The following NUDCD1 variants were observed in gnomAD, a reference collection of about 807,000 sequenced individuals.
NUDCD1 encodes NudC domain containing 1, also known as nudC domain-containing protein 1.
In NUDCD1, 60 loss-of-function variants were observed where a neutral mutation model predicts 67.8. The ratio of observed to expected loss-of-function variants is 0.88; its 90% CI spans 0.72 to 1.10. The LOEUF is 1.10. Among genes scored for constraint, NUDCD1 ranks in the 50% least tolerant of loss-of-function variants. The pLI is 0.00. For missense variants in NUDCD1, 643 were observed against 695.0 expected, an observed-to-expected ratio of 0.93 and a Z score of 0.84; for synonymous variants, 244 against 230.8, an observed-to-expected ratio of 1.06 and a Z score of -0.52.
intron 2 of NUDCD1, among the ~76,000 whole-genome samples, chr8:109,320,934 C>T (rs1390144612): frequency 1.3e-5 from 2 of 152,010 alleles, no homozygotes; most frequent in Non-Finnish European, 1.5e-5. Context: ...CACACAAAAC[C>T]AATAAAGACA....
At chr8:109,277,785 T>C (rs7836793) in intron 6 of NUDCD1, among the ~76,000 whole-genome samples, 7,981 of 152,282 alleles carry the variant, frequency 0.052, 286 homozygotes, top group Middle Eastern at 0.11. Flanking sequence ...ATGACTTACA[T>C]TTAACAATAT....
intron 8 of NUDCD1, among the ~76,000 whole-genome samples, chr8:109,255,068 C>T (rs926260084): frequency 1.3e-5 from 2 of 152,144 alleles, no homozygotes; most frequent in East Asian, 1.9e-4. Flanking sequence ...AAGCTAACAA[C>T]TGGTAGCTAG....
At chr8:109,330,785 G>A (rs1815787152) in intron 1 of NUDCD1, among the ~76,000 whole-genome samples, 2 of 152,112 alleles carry the variant, frequency 1.3e-5, no homozygotes, top group Non-Finnish European at 2.9e-5. Context: ...ACCAACGAAG[G>A]AACAGAACAC....
At chr8:109,332,442 G>T (rs1168271360) in intron 1 of NUDCD1, among the ~76,000 whole-genome samples, 2 of 152,148 alleles carry the variant, frequency 1.3e-5, no homozygotes, top group East Asian at 3.8e-4. Flanking sequence ...TCGGCTAAAG[G>T]ATAAGAGACC....
At chr8:109,284,618 A>G (rs947709222) in intron 5 of NUDCD1, among the ~76,000 whole-genome samples, 1 of 152,108 alleles carries the variant, frequency 6.6e-6, no homozygotes, top group Admixed American at 6.6e-5. Flanking sequence ...ATCAATACCA[A>G]GAAGATCTCT....
intron 1 of NUDCD1, among the ~76,000 whole-genome samples, chr8:109,328,431 A>G (rs1413622192): frequency 1.3e-5 from 2 of 152,148 alleles, no homozygotes; most frequent in Non-Finnish European, 2.9e-5. Flanking sequence ...GAGAAAAGAG[A>G]GATGCAGAGA....
intron 2 of NUDCD1, among the ~76,000 whole-genome samples, chr8:109,310,885 G>A (rs142170622): frequency 0.069 from 9,802 of 142,428 alleles, 439 homozygotes; most frequent in Non-Finnish European, 0.1. Flanking sequence ...GTGCGATCTC[G>A]GCTCACTGAA....
chr8:109,301,926 C>G (rs1219236862), intron 2 of NUDCD1, among the ~76,000 whole-genome samples: 1 of 152,182 alleles, frequency 6.6e-6, no homozygotes, highest in Non-Finnish European at 1.5e-5. Context: ...TGGTCATTCA[C>G]CAACATTCCT....
At chr8:109,277,513 T>TA (rs1369347671) in intron 6 of NUDCD1, among the ~76,000 whole-genome samples, 2 of 152,090 alleles carry the variant, frequency 1.3e-5, no homozygotes, top group Middle Eastern at 3.4e-3. Flanking sequence ...ACAGATTAGT[T>TA]AAAAAAATCT....
intron 1 of NUDCD1, among the ~76,000 whole-genome samples, chr8:109,324,877 G>A (rs113495730): frequency 0.071 from 10,860 of 152,188 alleles, 1,261 homozygotes; most frequent in African/African-American, 0.24. Flanking sequence ...ACGAGGTCAG[G>A]AGATTGAGAC....
Position 109,289,916 on chromosome 8 carries a change from T to A in NUDCD1, c.658A>T (p.Ile220Phe), listed in dbSNP as rs1814669430. Residue 220 changes from isoleucine to phenylalanine, a missense_variant, in exon 5 of 10, where the codon ATT (isoleucine) becomes TTT (phenylalanine). By Grantham distance (21) the Ile-to-Phe change is conservative. Coordinates refer to ENST00000239690, the MANE Select transcript of NUDCD1 (RefSeq NM_032869.4). ...KKNQDNKKYEIIKRDILRGKS... is the reference protein window; with the variant it reads ...KKNQDNKKYEFIKRDILRGKS... ...CCACGGAGAATATCACGCTTAATAA[T>A]TTCATATTTTTTATTATCTGTAAGA... 6 of 1,484,952 alleles carry A rather than the reference T, an allele frequency of 4.0e-6. No individual in the cohort carries two copies. The highest frequency in any genetic ancestry group is 4.5e-6 in the Non-Finnish European group (5 of 1,112,860). The allele number at this position is 1,484,952 out of a possible 1,614,324, so 92.0% of individuals were successfully genotyped here. A position where few individuals can be genotyped will look rare whatever the true frequency, so the allele number is the denominator to read the frequency against.
chr8:109,244,752 A>G (rs1194759468), intron 9 of NUDCD1, among the ~76,000 whole-genome samples: 2 of 152,192 alleles, frequency 1.3e-5, no homozygotes, highest in Admixed American at 1.3e-4. Context: ...ATACGTCTAT[A>G]ATTAAGTAGT....
chr8:109,277,679 G>T (rs1657532303), intron 6 of NUDCD1, among the ~76,000 whole-genome samples: 1 of 152,044 alleles, frequency 6.6e-6, no homozygotes, highest in Non-Finnish European at 1.5e-5. Context: ...CAAATTTAAT[G>T]GAAAAATAAT....
chr8:109,296,807 T>C (rs1814854023), intron 2 of NUDCD1, among the ~76,000 whole-genome samples: 1 of 152,182 alleles, frequency 6.6e-6, no homozygotes, highest in Non-Finnish European at 1.5e-5. Flanking sequence ...TACTTCACTC[T>C]CTCTCTTGGA....
intron 7 of NUDCD1, among the ~76,000 whole-genome samples, chr8:109,272,795 G>T (rs1247116073): frequency 1.3e-5 from 2 of 152,136 alleles, no homozygotes; most frequent in East Asian, 1.9e-4. Flanking sequence ...CCACCTAGTT[G>T]TGGCTGTTGC....
At chr8:109,263,277 C>A (rs1308717130) in intron 8 of NUDCD1, among the ~76,000 whole-genome samples, 1 of 151,992 alleles carries the variant, frequency 6.6e-6, no homozygotes, top group African/African-American at 2.4e-5. Context: ...CCCTCCAGTA[C>A]TATGGGCAAA....
chr8:109,285,057 A>G (rs1006468036), intron 5 of NUDCD1, among the ~76,000 whole-genome samples: 2 of 152,144 alleles, frequency 1.3e-5, no homozygotes, highest in African/African-American at 4.8e-5. Context: ...ACAAACTAGA[A>G]AATCCAGAGA....
At chr8:109,294,862 T>C (rs889398209) in intron 3 of NUDCD1, among the ~76,000 whole-genome samples, 4 of 152,092 alleles carry the variant, frequency 2.6e-5, no homozygotes, top group Admixed American at 1.3e-4. Flanking sequence ...CTTCTACTTT[T>C]AGCTTCTCTG....
intron 2 of NUDCD1, among the ~76,000 whole-genome samples, chr8:109,318,101 C>T (rs551543160): frequency 6.6e-6 from 1 of 152,140 alleles, no homozygotes; most frequent in Non-Finnish European, 1.5e-5. Flanking sequence ...TCAATAAACA[C>T]GTTAAAATGA....
Sources: allele counts gnomAD v4.1 joint callset (sites outside exome capture counted in the v4.1 genomes callset), GRCh38; gene constraint gnomAD v4.1.1; transcripts MANE v1.5; gene names NCBI Gene and HGNC (gene_info 2026-07-23, HGNC 2026-07-21).